SLC25A37: variants seen among roughly 807,000 people sequenced by gnomAD.
SLC25A37 encodes the protein solute carrier family 25 member 37, also known as mitoferrin-1.
In SLC25A37, 17 loss-of-function variants were observed where a neutral mutation model predicts 31.0. The ratio of observed to expected loss-of-function variants is 0.55; its 90% CI spans 0.38 to 0.82. SLC25A37 has a LOEUF of 0.82. Among genes scored for constraint, SLC25A37 ranks in the 40% least tolerant of loss-of-function variants. SLC25A37 has a pLI of 0.00. For synonymous variants in SLC25A37, 222 were observed against 193.0 expected, an observed-to-expected ratio of 1.15 and a Z score of -1.24; for missense variants, 404 against 465.8, an observed-to-expected ratio of 0.87 and a Z score of 1.22.
At chr8:23,546,582 AGTG>A (rs1446695614) in intron 1 of SLC25A37, among the ~76,000 whole-genome samples, 46 of 55,972 alleles carry the variant, frequency 8.2e-4, no homozygotes, top group South Asian at 3.7e-3. Flanking sequence ...ATATATATAT[AGTG>A]TATATATATA....
intron 1 of SLC25A37, among the ~76,000 whole-genome samples, chr8:23,545,886 C>T (rs987187552): frequency 6.6e-6 from 1 of 152,050 alleles, no homozygotes; most frequent in African/African-American, 2.4e-5. Context: ...CCTGTAATTC[C>T]AGCACTTTGT....
At chr8:23,536,661 T>G (rs1019431283) in intron 1 of SLC25A37, among the ~76,000 whole-genome samples, 1 of 152,184 alleles carries the variant, frequency 6.6e-6, no homozygotes, top group Admixed American at 6.5e-5. Context: ...TCAGACTCAG[T>G]GTGGCCAGAA....
chr8:23,553,116 A>G (rs1043478635), intron 1 of SLC25A37, among the ~76,000 whole-genome samples: 2 of 152,180 alleles, frequency 1.3e-5, no homozygotes, highest in East Asian at 1.9e-4. Flanking sequence ...GAGTGTGTCT[A>G]TATACAAAAG....
Position 23,571,486 on chromosome 8 carries a change from C to T in SLC25A37, c.648C>T (p.Phe216=). 1 of 1,614,044 alleles carries T rather than the reference C, an allele frequency of 6.2e-7. No individual in the cohort carries two copies. Among genetic ancestry groups the T allele is most frequent in the Non-Finnish European group, 8.5e-7 (1 of 1,179,908 alleles). ...ACATCCCCTTCCAGTCCATCCACTT[C>T]ATCACCTATGAGTTCCTGCAGGAGC... ...TMNIPFQSIH[F]ITYEFLQEQV... The change falls in exon 4 of 4, where the codon TTC becomes TTT. Residue 216 remains phenylalanine (F), a synonymous_variant. Transcript: ENST00000519973.
At chr8:23,566,644 C>A in intron 2 of SLC25A37, 4 of 1,088,076 alleles carry the variant, frequency 3.7e-6, no homozygotes, top group Non-Finnish European at 4.5e-6. Flanking sequence ...TGTTTTTAAA[C>A]ATTCAAAAGC....
At chr8:23,548,696 C>G (rs933979597) in intron 1 of SLC25A37, among the ~76,000 whole-genome samples, 75 of 152,022 alleles carry the variant, frequency 4.9e-4, no homozygotes, top group African/African-American at 1.8e-3. Flanking sequence ...TCTCAAATTC[C>G]CGACCTCAGG....
intron 1 of SLC25A37, among the ~76,000 whole-genome samples, chr8:23,545,748 C>T (rs1802018519): frequency 6.6e-6 from 1 of 152,164 alleles, no homozygotes; most frequent in South Asian, 2.1e-4. Flanking sequence ...CCTGTAATCC[C>T]AGCTACTCAG....
chr8:23,546,572 A>G (rs1186131859), intron 1 of SLC25A37, among the ~76,000 whole-genome samples: 6 of 47,336 alleles, frequency 1.3e-4, no homozygotes, highest in Non-Finnish European at 1.7e-4. Flanking sequence ...ATATATATAT[A>G]TATATATATA....
chr8:23,568,236 T>C (rs1400222183), intron 2 of SLC25A37, 86 bp from the exon 3 acceptor site: 1 of 1,468,474 alleles, frequency 6.8e-7, no homozygotes, highest in Non-Finnish European at 9.5e-7. Context: ...GAAAGCTAAG[T>C]CCTGGGTTCC....
intron 1 of SLC25A37, among the ~76,000 whole-genome samples, chr8:23,548,752 G>A (rs565123184): frequency 6.6e-6 from 1 of 152,322 alleles, no homozygotes; most frequent in African/African-American, 2.4e-5. Flanking sequence ...TTACAGGCAT[G>A]AGTCACTGCG....
chr8:23,568,807 G>A (rs1356782808), intron 3 of SLC25A37: 3 of 221,290 alleles, frequency 1.4e-5, no homozygotes, highest in Non-Finnish European at 1.8e-5. Context: ...AGCCTAGTGT[G>A]GTGTGTGCAC....
chr8:23,546,547 A>ATG (rs1563256010), intron 1 of SLC25A37, among the ~76,000 whole-genome samples: 7 of 20,838 alleles, frequency 3.4e-4, no homozygotes, highest in African/African-American at 3.0e-3. Context: ...ATATATATAT[A>ATG]TATATAGTGT....
rs771012321 is a variant in SLC25A37 at position 23,571,522 on chromosome 8, C to T, written c.684C>T (p.Pro228=). Residue 228 remains proline, a synonymous_variant, in exon 4 of 4, where the codon CCC becomes CCT. Coordinates refer to ENST00000519973, the MANE Select transcript of SLC25A37 (RefSeq NM_016612.4). ...TYEFLQEQVN[P]HRTYNPQSHI... ...AGTTCCTGCAGGAGCAGGTCAACCC[C>T]CACCGGACCTACAACCCGCAGTCCC... 1.9e-6 allele frequency: 3 copies of T among 1,613,990 alleles called. No individual in the cohort carries two copies. The highest frequency in any genetic ancestry group is 1.1e-5 in the South Asian group (1 of 91,076).
chr8:23,535,645 C>G (rs1193118505), intron 1 of SLC25A37, among the ~76,000 whole-genome samples: 1 of 152,170 alleles, frequency 6.6e-6, no homozygotes, highest in East Asian at 1.9e-4. Context: ...TTTCAAGCTG[C>G]TGATAAAGAC....
intron 1 of SLC25A37, among the ~76,000 whole-genome samples, chr8:23,553,772 A>G (rs1802291922): frequency 6.6e-6 from 1 of 152,208 alleles, no homozygotes; most frequent in Non-Finnish European, 1.5e-5. Context: ...TGTGATGACC[A>G]GGGTTGTGGA....
At position 23,571,907 on chromosome 8, in the gene SLC25A37, C is replaced by T. The variant is rs1398384340; in HGVS notation, c.*52C>T. 2.5e-6 allele frequency: 4 copies of T among 1,574,860 alleles called. No individual in the cohort carries two copies. Among genetic ancestry groups the T allele is most frequent in the African/African-American group, 1.4e-5 (1 of 73,210 alleles). On this transcript the variant is annotated 3_prime_UTR_variant, in exon 4 of 4. Coordinates refer to ENST00000519973, the MANE Select transcript of SLC25A37 (RefSeq NM_016612.4). ...AAAGTCATTCTCTGCCTGCATCCAG[C>T]CCCTTGCCCTCTCCTCACACGTAGA...
At chr8:23,569,156 C>G (rs888743189) in intron 3 of SLC25A37, among the ~76,000 whole-genome samples, 1 of 151,910 alleles carries the variant, frequency 6.6e-6, no homozygotes, top group South Asian at 2.1e-4. Context: ...CCCAGCTGTT[C>G]GGAAGGCTGA....
intron 1 of SLC25A37, among the ~76,000 whole-genome samples, chr8:23,556,622 A>G (rs1036826384): frequency 1.3e-5 from 2 of 151,874 alleles, no homozygotes; most frequent in Non-Finnish European, 2.9e-5. Flanking sequence ...ATATGTATAT[A>G]TGTGTGTATA....
At chr8:23,553,415 C>T (rs1363184754) in intron 1 of SLC25A37, among the ~76,000 whole-genome samples, 2 of 149,598 alleles carry the variant, frequency 1.3e-5, no homozygotes, top group African/African-American at 5.0e-5. Context: ...AGTGAGACTC[C>T]GTCTCAAAAA....
Sources: gnomAD v4.1 joint callset for allele counts (sites outside exome capture counted in the v4.1 genomes callset) on GRCh38, gnomAD v4.1.1 for gene constraint, MANE v1.5 for transcripts, NCBI Gene and HGNC (gene_info 2026-07-23, HGNC 2026-07-21) for gene names.